MYT1L: variants seen among roughly 807,000 people sequenced by gnomAD.
MYT1L encodes the protein myelin transcription factor 1-like protein.
Under a neutral mutation model 126.7 loss-of-function variants are expected in MYT1L, and 12 were observed. That is an observed-to-expected ratio of 0.09 (90% CI 0.06 to 0.15). The LOEUF (loss-of-function observed/expected upper bound fraction) is 0.15, where lower values mean the gene tolerates loss of function less well. MYT1L is among the 10% of genes least tolerant of loss of function. MYT1L has a pLI of 1.00. For missense variants in MYT1L, 979 were observed against 1,585.2 expected (o/e 0.62, Z 6.49); for synonymous variants, 541 against 604.2 (o/e 0.90, Z 1.53).
chr2:2,019,796 ATTC>A (rs1382827618), intron 4 of MYT1L, among the ~76,000 whole-genome samples: 2 of 149,992 alleles, frequency 1.3e-5, no homozygotes, highest in East Asian at 2.1e-4. Flanking sequence ...TACTGTAAAT[ATTC>A]TTCTATTTTT....
chr2:1,934,291 C>CATATATATATATATATATATAT (rs71276815), intron 9 of MYT1L, among the ~76,000 whole-genome samples: 1 of 123,528 alleles, frequency 8.1e-6, no homozygotes, highest in African/African-American at 3.0e-5. Context: ...ATTTTTATAA[C>CATATATATATATATATATATAT]ATATATATAT....
In MYT1L at chr2:1,912,005, C is replaced by A. The variant is rs754737433; in HGVS notation, c.1709+15G>T. ...CGGTGCTCCCTCCCACACCAGTGAC[C>A]CACGCGTGGCTTACCTTCGGTGGGA... On this transcript the variant is annotated intron_variant, in intron 12 of 24. Transcript: ENST00000647738. This position sits in a 1 kb window ranked among gnomAD's most constrained non-coding sequence, Gnocchi z 4.3. 10 of 1,578,358 alleles carry A rather than the reference C, an allele frequency of 6.3e-6. No homozygotes were observed. Among genetic ancestry groups the A allele is most frequent in the South Asian group, 1.2e-5 (1 of 86,090 alleles).
At chr2:1,882,337 T>C (rs1457170632) in intron 18 of MYT1L, among the ~76,000 whole-genome samples, 1 of 151,368 alleles carries the variant, frequency 6.6e-6, no homozygotes, top group Non-Finnish European at 1.5e-5. Flanking sequence ...TTCACGCGCA[T>C]GGCTGATCAC....
intron 2 of MYT1L, among the ~76,000 whole-genome samples, chr2:2,198,745 C>A (rs770079363): frequency 1.3e-5 from 2 of 152,086 alleles, no homozygotes; most frequent in African/African-American, 4.8e-5. Context: ...GTAATCCCAG[C>A]TACTCAGGAG....
chr2:2,185,288 T>C lies in MYT1L; in HGVS notation c.-420-12300A>G, dbSNP rs367921965. 2.6e-4 allele frequency among the ~76,000 whole-genome samples: 40 copies of C among 152,352 alleles called. No homozygotes were observed. The South Asian group carries it at 7.9e-3, about 30-fold the overall frequency. Reference sequence around the variant, plus strand: ...AGCTTATATAACATATTTGTGCTATTTAATTAAAATGTAACTAGTCATTCA... The same window carrying C: ...AGCTTATATAACATATTTGTGCTATCTAATTAAAATGTAACTAGTCATTCA... On this transcript the variant is annotated intron_variant, in intron 2 of 24. Transcript: ENST00000647738.
rs10196494 is a variant in MYT1L, at chr2:1,839,513, A to G, written c.2859-143T>C. On this transcript the variant is annotated intron_variant, in intron 20 of 24. Transcript: ENST00000647738. ...TGGGCAAAAGGAAAAGAAAAAAGAGAAAGAAAGAAAAGTCACTAAAAGACA... is the reference window on the plus strand; with the variant it reads ...TGGGCAAAAGGAAAAGAAAAAAGAGGAAGAAAGAAAAGTCACTAAAAGACA... 0.41 allele frequency: 289,030 copies of G among 702,020 alleles called. 64,858 individuals carry two copies. Among genetic ancestry groups the G allele is most frequent in the African/African-American group, 0.74 (41,276 of 55,662 alleles). 43.5% of individuals were successfully genotyped at this position (702,020 alleles called of 1,614,324 possible).
chr2:1,951,538 T>A (rs992161330), intron 8 of MYT1L, among the ~76,000 whole-genome samples: 1 of 151,982 alleles, frequency 6.6e-6, no homozygotes, highest in Admixed American at 6.6e-5. Context: ...CAGATCTGAG[T>A]GGTCCATGAA....
At chr2:2,121,255 T>C (rs896781396) in intron 3 of MYT1L, among the ~76,000 whole-genome samples, 10 of 152,152 alleles carry the variant, frequency 6.6e-5, no homozygotes, top group African/African-American at 2.4e-4. Context: ...CACTGCAAAC[T>C]CCACCTCCCG....
At chr2:2,113,457 C>A (rs1262101806) in intron 3 of MYT1L, among the ~76,000 whole-genome samples, 7 of 152,284 alleles carry the variant, frequency 4.6e-5, no homozygotes, top group African/African-American at 1.7e-4. Context: ...CCTGGAGGGG[C>A]TTTCTGGGAA....
chr2:1,950,893 G>A (rs1349959490), intron 8 of MYT1L, among the ~76,000 whole-genome samples: 1 of 152,194 alleles, frequency 6.6e-6, no homozygotes, highest in Non-Finnish European at 1.5e-5. Context: ...GATGGTGGAA[G>A]GTCATTTAAG....
At chr2:2,134,767 G>T (rs1458874963) in intron 3 of MYT1L, among the ~76,000 whole-genome samples, 3 of 152,128 alleles carry the variant, frequency 2.0e-5, no homozygotes, top group African/African-American at 7.2e-5. Flanking sequence ...CCAGTTTGTG[G>T]TATTTTGTTA....
At chr2:2,004,719 C>T (rs1175733455) in intron 4 of MYT1L, among the ~76,000 whole-genome samples, 1 of 142,538 alleles carries the variant, frequency 7.0e-6, no homozygotes, top group Non-Finnish European at 1.5e-5. Flanking sequence ...TTCCTGCGTG[C>T]CTTCTTTCCT....
intron 4 of MYT1L, among the ~76,000 whole-genome samples, chr2:1,999,211 T>C (rs746820170): frequency 6.6e-6 from 1 of 152,204 alleles, no homozygotes; most frequent in Non-Finnish European, 1.5e-5. Context: ...GATACCAATT[T>C]ATTAATATAC....
intron 2 of MYT1L, among the ~76,000 whole-genome samples, chr2:2,202,299 C>CA (rs995507033): frequency 1.3e-5 from 2 of 151,870 alleles, no homozygotes; most frequent in African/African-American, 4.8e-5. Flanking sequence ...AATAGAGACA[C>CA]AAAAAAACCT....
At chr2:1,830,054 G>T (rs542563209) in intron 21 of MYT1L, among the ~76,000 whole-genome samples, 19 of 152,330 alleles carry the variant, frequency 1.2e-4, no homozygotes, top group Middle Eastern at 3.4e-3. Flanking sequence ...CCCACGCACA[G>T]ACATTGCAAT....
chr2:1,911,070 T>C (rs898313347), intron 12 of MYT1L, among the ~76,000 whole-genome samples: 4 of 152,270 alleles, frequency 2.6e-5, no homozygotes, highest in African/African-American at 9.6e-5. Flanking sequence ...ATCCCAAAAA[T>C]ACGCCTGTGC....
chr2:1,831,784 C>T lies in MYT1L; in HGVS notation c.3080+7365G>A, dbSNP rs4308148. Among the ~76,000 whole-genome samples, 1,196 of 151,800 alleles carry T rather than the reference C, an allele frequency of 7.9e-3. 17 individuals carry two copies. Among genetic ancestry groups the T allele is most frequent in the African/African-American group, 0.027 (1,132 of 41,366 alleles). ...CCATGCAACTCTGTCTTCATCACGG[C>T]CTCTCCGCCTCCACCTGTCACAAAA... On this transcript the variant is annotated intron_variant, in intron 21 of 24. Transcript: ENST00000647738.
rs148980589 is a variant in MYT1L at position 2,101,931 on chromosome 2, C to T, written c.-303-47808G>A. 4.9e-4 allele frequency among the ~76,000 whole-genome samples: 75 copies of T among 152,352 alleles called. 2 individuals are homozygous for T. The East Asian group carries it at 0.013, about 26-fold the overall frequency. ...ACCAGTCATAACCTTTCTTGAAAAGCAGGACCTATGATTAGGTTTCTCCAT... is the reference window on the plus strand; with the variant it reads ...ACCAGTCATAACCTTTCTTGAAAAGTAGGACCTATGATTAGGTTTCTCCAT... On this transcript the variant is annotated intron_variant, in intron 3 of 24. Coordinates refer to ENST00000647738, the MANE Select transcript of MYT1L (RefSeq NM_001303052.2).
intron 1 of MYT1L, among the ~76,000 whole-genome samples, chr2:2,315,375 G>A (rs2096048870): frequency 6.6e-6 from 1 of 152,092 alleles, no homozygotes; most frequent in South Asian, 2.1e-4. Context: ...TATATTCTCT[G>A]TCTATGAAAA....
Sources: allele counts gnomAD v4.1 joint callset (sites outside exome capture counted in the v4.1 genomes callset), GRCh38; gene constraint gnomAD v4.1.1; non-coding constraint Gnocchi (gnomAD v3.1); transcripts MANE v1.5; gene names NCBI Gene and HGNC (gene_info 2026-07-23, HGNC 2026-07-21).